Variants in UBE2L3 observed in about 807,000 individuals in gnomAD.
UBE2L3 encodes ubiquitin conjugating enzyme E2 L3, also known as ubiquitin-conjugating enzyme E2 L3.
UBE2L3 carries 1 observed loss-of-function variant against 17.8 expected under a neutral mutation model. The ratio of observed to expected loss-of-function variants is 0.06; its 90% CI spans 0.02 to 0.27. The LOEUF (loss-of-function observed/expected upper bound fraction) is 0.27, where lower values mean the gene tolerates loss of function less well. UBE2L3 is among the 10% of genes least tolerant of loss of function. The pLI is 1.00. For synonymous variants in UBE2L3, 44 were observed against 68.5 expected (o/e 0.64, Z 1.76); for missense variants, 40 against 192.6 (o/e 0.21, Z 4.69).
At chr22:21,601,475 G>A (rs1347256993) in intron 2 of UBE2L3, among the ~76,000 whole-genome samples, 1 of 151,470 alleles carries the variant, frequency 6.6e-6, no homozygotes, top group Non-Finnish European at 1.5e-5. Context: ...ACTACGCCTG[G>A]CTAATTTTTT....
intron 1 of UBE2L3, among the ~76,000 whole-genome samples, chr22:21,587,481 G>T (rs1360092654): frequency 2.0e-5 from 3 of 152,154 alleles, no homozygotes; most frequent in Non-Finnish European, 4.4e-5. Flanking sequence ...GCCTCGCCTA[G>T]ATTTCTTGAT....
At chr22:21,577,607 C>G (rs970224692) in intron 1 of UBE2L3, among the ~76,000 whole-genome samples, 1 of 152,182 alleles carries the variant, frequency 6.6e-6, no homozygotes, top group Non-Finnish European at 1.5e-5. Flanking sequence ...ACATCAAGGT[C>G]CCCTGCTCTC....
At chr22:21,557,212 C>T (rs1388275831) in intron 1 of UBE2L3, among the ~76,000 whole-genome samples, 1 of 152,200 alleles carries the variant, frequency 6.6e-6, no homozygotes, top group African/African-American at 2.4e-5. Context: ...AAAAAAATTA[C>T]AAAATTTAGC....
intron 1 of UBE2L3, among the ~76,000 whole-genome samples, chr22:21,579,500 G>A (rs1927511020): frequency 6.6e-6 from 1 of 152,114 alleles, no homozygotes; most frequent in Admixed American, 6.6e-5. Context: ...GCCAGGCACG[G>A]TGGCTCATGC....
At chr22:21,569,395 C>T (rs1411930392) in intron 1 of UBE2L3, among the ~76,000 whole-genome samples, 32 of 86,192 alleles carry the variant, frequency 3.7e-4, no homozygotes, top group Middle Eastern at 5.9e-3. Flanking sequence ...GACTCCATGT[C>T]AAAAAAAAAA....
intron 1 of UBE2L3, among the ~76,000 whole-genome samples, chr22:21,571,679 G>C (rs1022399295): frequency 6.6e-6 from 1 of 152,312 alleles, no homozygotes; most frequent in Admixed American, 6.5e-5. Flanking sequence ...TGGGATTACA[G>C]GTGTGAGCCA....
In UBE2L3 at chr22:21,567,729, CA is replaced by C. The variant is rs1926706573; in HGVS notation, c.-15del. On this transcript the variant is annotated 5_prime_UTR_variant, in exon 1 of 4. Transcript: ENST00000342192. ...GCCGCGATGCATTCTGGGGAAGGAGCAGCACCAAATCCAAGATGGCGGCCAG... is the reference window on the plus strand; with the variant it reads ...GCCGCGATGCATTCTGGGGAAGGAGCGCACCAAATCCAAGATGGCGGCCAG... 1 of 1,579,312 alleles carries C rather than the reference CA, an allele frequency of 6.3e-7. No individual in the cohort carries two copies. The highest frequency in any genetic ancestry group is 8.6e-7 in the Non-Finnish European group (1 of 1,164,118).
At chr22:21,593,164 C>T (rs1053511821) in intron 2 of UBE2L3, among the ~76,000 whole-genome samples, 1 of 152,066 alleles carries the variant, frequency 6.6e-6, no homozygotes, top group African/African-American at 2.4e-5. Context: ...TTGTCAAATT[C>T]AGGGAGTCCT....
At chr22:21,620,721 T>G (rs992816435) in intron 3 of UBE2L3, among the ~76,000 whole-genome samples, 3 of 152,142 alleles carry the variant, frequency 2.0e-5, no homozygotes, top group Non-Finnish European at 4.4e-5. Context: ...CAGCTTCCCA[T>G]TGGCTGGCCC....
intron 2 of UBE2L3, among the ~76,000 whole-genome samples, chr22:21,599,833 A>G (rs1928761421): frequency 6.6e-6 from 1 of 151,838 alleles, no homozygotes; most frequent in Non-Finnish European, 1.5e-5. Flanking sequence ...TGAGTGCTGT[A>G]TTTTTTCCAT....
intron 1 of UBE2L3, among the ~76,000 whole-genome samples, chr22:21,571,268 C>CA (rs1926947332): frequency 6.6e-6 from 1 of 152,192 alleles, no homozygotes; most frequent in African/African-American, 2.4e-5. Flanking sequence ...AACTGATTGC[C>CA]ATCTGATCAT....
At position 21,602,918 on chromosome 22, in the gene UBE2L3, C is replaced by A. The variant is rs113985795; in HGVS notation, c.124-7939C>A. On this transcript the variant is annotated intron_variant, in intron 2 of 3. Coordinates refer to ENST00000342192, the MANE Select transcript of UBE2L3 (RefSeq NM_003347.4). ...CAGGAAGGCTGAGTTTAGGGGAGGTCTCAGGCCAGTCACTCAATCGTACTT... is the reference window on the plus strand; with the variant it reads ...CAGGAAGGCTGAGTTTAGGGGAGGTATCAGGCCAGTCACTCAATCGTACTT... 1.5e-3 allele frequency among the ~76,000 whole-genome samples: 235 copies of A among 152,262 alleles called. 1 individual carries two copies. The highest frequency in any genetic ancestry group is 5.3e-3 in the African/African-American group (221 of 41,552).
At chr22:21,614,601 GA>G in intron 3 of UBE2L3, 1 of 1,367,492 alleles carries the variant, frequency 7.3e-7, no homozygotes. Context: ...ATCCAGCCTT[GA>G]AGTTCTTTGA....
intron 2 of UBE2L3, among the ~76,000 whole-genome samples, chr22:21,597,964 ATT>A (rs35036050): frequency 0.22 from 25,712 of 115,404 alleles, 3,058 homozygotes; most frequent in East Asian, 0.51. Context: ...TAATTTTTGT[ATT>A]TTTTTTTTTT....
chr22:21,600,455 G>A (rs1353407558), intron 2 of UBE2L3, among the ~76,000 whole-genome samples: 1 of 152,068 alleles, frequency 6.6e-6, no homozygotes, highest in Admixed American at 6.5e-5. Flanking sequence ...CAGCACTTTG[G>A]GAGGCCAGGG....
intron 3 of UBE2L3, among the ~76,000 whole-genome samples, chr22:21,612,312 C>T (rs1442118521): frequency 1.3e-5 from 2 of 152,052 alleles, no homozygotes; most frequent in African/African-American, 2.4e-5. Flanking sequence ...TTCTCAGTGC[C>T]TGGTTTTTTC....
chr22:21,576,879 C>T (rs1927334750), intron 1 of UBE2L3, among the ~76,000 whole-genome samples: 1 of 148,892 alleles, frequency 6.7e-6, no homozygotes, highest in Non-Finnish European at 1.5e-5. Context: ...TCTTGGCTCA[C>T]TGCAACCTTC....
At chr22:21,598,334 G>T (rs75148081) in intron 2 of UBE2L3, among the ~76,000 whole-genome samples, 1,656 of 151,940 alleles carry the variant, frequency 0.011, 34 homozygotes, top group African/African-American at 0.037. Context: ...GGTATTTAAA[G>T]CTGTAGATTC....
intron 2 of UBE2L3, among the ~76,000 whole-genome samples, chr22:21,598,987 A>G (rs5994638): frequency 0.32 from 47,845 of 151,632 alleles, 8,773 homozygotes; most frequent in East Asian, 0.51. Context: ...CTACAGGCAT[A>G]CACCACCACG....
Sources: gnomAD v4.1 joint callset for allele counts (sites outside exome capture counted in the v4.1 genomes callset) on GRCh38, gnomAD v4.1.1 for gene constraint, MANE v1.5 for transcripts, NCBI Gene and HGNC (gene_info 2026-07-23, HGNC 2026-07-21) for gene names.